The following GNAI1 variants were observed in gnomAD, a reference collection of about 807,000 sequenced individuals.
GNAI1 encodes the protein G protein subunit alpha i1.
GNAI1 carries 11 observed loss-of-function variants against 38.9 expected under a neutral mutation model. That is an observed-to-expected ratio of 0.28 (90% CI 0.18 to 0.47). The LOEUF (loss-of-function observed/expected upper bound fraction) is 0.47, where lower values mean the gene tolerates loss of function less well. Ranked by LOEUF, GNAI1 falls within the 20% of genes least tolerant of loss-of-function variation. The pLI is 0.99. For synonymous variants in GNAI1, 166 were observed against 145.1 expected (o/e 1.14, Z -1.04); for missense variants, 317 against 436.9 (o/e 0.73, Z 2.45).
chr7:80,197,260 A>G (rs888566903), intron 3 of GNAI1, among the ~76,000 whole-genome samples: 1 of 151,120 alleles, frequency 6.6e-6, no homozygotes, highest in African/African-American at 2.4e-5. Context: ...ATAAAACATC[A>G]TCTCACTTAT....
intron 1 of GNAI1, among the ~76,000 whole-genome samples, chr7:80,143,889 C>T (rs891831673): frequency 6.7e-6 from 1 of 149,362 alleles, no homozygotes; most frequent in Non-Finnish European, 1.5e-5. Context: ...TTTTTATTGG[C>T]TTTTCTTAGC....
At chr7:80,192,046 C>T (rs917951974) in intron 3 of GNAI1, among the ~76,000 whole-genome samples, 5 of 152,142 alleles carry the variant, frequency 3.3e-5, no homozygotes, top group Admixed American at 3.3e-4. Flanking sequence ...TGTTCAATTA[C>T]TTACCTTTTC....
At chr7:80,137,312 CTTTTCTTTTTTTTTTTT>C (rs1787436388) in intron 1 of GNAI1, among the ~76,000 whole-genome samples, 2 of 66,964 alleles carry the variant, frequency 3.0e-5, no homozygotes, top group Admixed American at 1.8e-4. Flanking sequence ...TTTTTCTTTT[CTTTTCTTTTTTTTTTTT>C]TTTTTTTTTG....
At chr7:80,175,633 A>T (rs568043725) in intron 1 of GNAI1, among the ~76,000 whole-genome samples, 2 of 150,362 alleles carry the variant, frequency 1.3e-5, no homozygotes, top group Non-Finnish European at 2.9e-5. Flanking sequence ...TTTTTCTAAT[A>T]TGTGTGCTCA....
Position 80,164,701 on chromosome 7 carries a change from C to T in GNAI1, c.119-24250C>T, listed in dbSNP as rs887684066. On this transcript the variant is annotated intron_variant, in intron 1 of 7. Transcript: ENST00000649796. ...GGCAGAAGTTGACTCTAGACTTTAC[C>T]TAATTTTATCACTGCCTCTTTTAAT... Among the ~76,000 whole-genome samples, 7 of 152,064 alleles carry T rather than the reference C, an allele frequency of 4.6e-5. No homozygotes were observed. In the South Asian group the frequency reaches 6.2e-4, roughly 14 times the overall value.
chr7:80,204,441 A>G (rs965022929), intron 5 of GNAI1, among the ~76,000 whole-genome samples: 9 of 152,140 alleles, frequency 5.9e-5, no homozygotes, highest in African/African-American at 1.7e-4. Context: ...CAGTTCCCTC[A>G]TTTTAAGATG....
chr7:80,226,031 TTTTTG>T lies in GNAI1; in HGVS notation c.*8543_*8547del, dbSNP rs1371621125. Among the ~76,000 whole-genome samples the T allele has an allele frequency of 1.3e-5, 2 of 152,186 alleles. No homozygotes were observed. Among genetic ancestry groups the T allele is most frequent in the Non-Finnish European group, 2.9e-5 (2 of 68,020 alleles). On this transcript the variant is annotated 3_prime_UTR_variant, in exon 8 of 8. Transcript: ENST00000649796. ...ACACATATTTTAGAAAAGTATGTTA[TTTTTG>T]TTTTAAGTTTGGAAGAACCTGAATG...
At chr7:80,203,978 ATGTT>A (rs922338205) in intron 5 of GNAI1, 146 bp downstream of exon 5, 36 of 485,802 alleles carry the variant, frequency 7.4e-5, no homozygotes, top group African/African-American at 2.8e-4. Context: ...GGACAAAAGA[ATGTT>A]TGGGAGAAAG....
chr7:80,144,163 T>TA (rs1218402400), intron 1 of GNAI1, among the ~76,000 whole-genome samples: 2 of 152,100 alleles, frequency 1.3e-5, no homozygotes, highest in Non-Finnish European at 2.9e-5. Context: ...TTACAAATGT[T>TA]ATAGCAGTAA....
In GNAI1 at chr7:80,218,812, A is replaced by G. The variant is rs1384238624; in HGVS notation, c.*1319A>G. On this transcript the variant is annotated 3_prime_UTR_variant, in exon 8 of 8. Coordinates refer to ENST00000649796, the MANE Select transcript of GNAI1 (RefSeq NM_002069.6). ...AGTCAGTGATTATATGTGTGCTCAA[A>G]TAAGTGTTATGTATCAGCTAGATAC... The G allele has an allele frequency of 1.3e-5, 2 of 152,138 alleles. No individual in the cohort carries two copies. Among genetic ancestry groups the G allele is most frequent in the South Asian group, 2.1e-4 (1 of 4,828 alleles). The allele number at this position is 152,138 out of a possible 1,614,324, so 9.4% of individuals were successfully genotyped here.
chr7:80,194,453 A>T (rs1056238063), intron 3 of GNAI1, among the ~76,000 whole-genome samples: 2 of 152,164 alleles, frequency 1.3e-5, no homozygotes, highest in Non-Finnish European at 2.9e-5. Flanking sequence ...ATTGTATTTT[A>T]AAAAATGTTT....
rs775517146 is a variant in GNAI1 at position 80,197,118 on chromosome 7, A to G, written c.304-2107A>G. Among the ~76,000 whole-genome samples, 5 of 148,962 alleles carry G rather than the reference A, an allele frequency of 3.4e-5. 1 individual carries two copies. The highest frequency in any genetic ancestry group is 2.7e-4 in the Admixed American group (4 of 14,860). On this transcript the variant is annotated intron_variant, in intron 3 of 7. Transcript: ENST00000649796. ...TCCTCTCCTCCCCCACCCCATAACC[A>G]TAACTACTGGTTTGTTCTCTAGCTT...
At position 80,220,512 on chromosome 7, in the gene GNAI1, TC is replaced by T. The variant is rs1176000687; in HGVS notation, c.*3021del. On this transcript the variant is annotated 3_prime_UTR_variant, in exon 8 of 8. Coordinates refer to ENST00000649796, the MANE Select transcript of GNAI1 (RefSeq NM_002069.6). ...TAGGCTTAGACCTGACCAATCCGAGTCCTCCAGCATTGGACGAGTGAGCCAA... is the reference window on the plus strand; with the variant it reads ...TAGGCTTAGACCTGACCAATCCGAGTCTCCAGCATTGGACGAGTGAGCCAA... Among the ~76,000 whole-genome samples, 2 of 152,170 alleles carry T rather than the reference TC, an allele frequency of 1.3e-5. No homozygotes were observed. Among genetic ancestry groups the T allele is most frequent in the Non-Finnish European group, 2.9e-5 (2 of 68,026 alleles).
At chr7:80,165,572 T>A (rs1293501698) in intron 1 of GNAI1, among the ~76,000 whole-genome samples, 2 of 152,348 alleles carry the variant, frequency 1.3e-5, no homozygotes, top group African/African-American at 4.8e-5. Context: ...AAAGACAGTC[T>A]TTATTTTCAG....
At chr7:80,196,122 T>C (rs1379024623) in intron 3 of GNAI1, among the ~76,000 whole-genome samples, 3 of 152,020 alleles carry the variant, frequency 2.0e-5, no homozygotes, top group Admixed American at 6.6e-5. Flanking sequence ...TGAGGACTTA[T>C]TATTTGTCTC....
rs1258505288 is a variant in GNAI1 at position 80,174,949 on chromosome 7, A to AAT, written c.119-13995_119-13994dup. On this transcript the variant is annotated intron_variant, in intron 1 of 7. Coordinates refer to ENST00000649796, the MANE Select transcript of GNAI1 (RefSeq NM_002069.6). ...TATTTTCATTAAACCTTGAGCCATA[A>AAT]ATATATATCTCTTTAATATTCCATG... 9.2e-5 allele frequency among the ~76,000 whole-genome samples: 14 copies of AAT among 152,328 alleles called. No homozygotes were observed. The East Asian group carries it at 2.1e-3, about 23-fold the overall frequency.
intron 1 of GNAI1, among the ~76,000 whole-genome samples, chr7:80,143,923 C>CGTGT (rs1388969269): frequency 4.6e-5 from 6 of 131,708 alleles, no homozygotes; most frequent in South Asian, 2.6e-4. Context: ...TGTGTGTGTG[C>CGTGT]GCGCGTGTGT....
chr7:80,177,543 A>G (rs908990199), intron 1 of GNAI1, among the ~76,000 whole-genome samples: 3 of 152,162 alleles, frequency 2.0e-5, no homozygotes, highest in Admixed American at 6.5e-5. Flanking sequence ...GTGCTGTGGC[A>G]TGGTCATAGT....
At chr7:80,152,588 A>G (rs955617321) in intron 1 of GNAI1, among the ~76,000 whole-genome samples, 6 of 109,476 alleles carry the variant, frequency 5.5e-5, no homozygotes, top group Non-Finnish European at 1.0e-4. Context: ...TTTGAAACGT[A>G]GTCTTGCTCT....
Sources: gnomAD v4.1 joint callset for allele counts (sites outside exome capture counted in the v4.1 genomes callset) on GRCh38, gnomAD v4.1.1 for gene constraint, MANE v1.5 for transcripts, NCBI Gene and HGNC (gene_info 2026-07-23, HGNC 2026-07-21) for gene names.